HHAT: variants seen among roughly 807,000 people sequenced by gnomAD.
The protein encoded by HHAT is protein-cysteine N-palmitoyltransferase HHAT.
Under a neutral mutation model 70.8 loss-of-function variants are expected in HHAT, and 47 were observed. That is an observed-to-expected ratio of 0.66 (90% CI 0.53 to 0.85). HHAT has a LOEUF of 0.85. Among genes scored for constraint, HHAT ranks in the 40% least tolerant of loss-of-function variants. The probability of loss-of-function intolerance (pLI) is 0.00; values close to 1 mark genes in which losing one functional copy is unlikely to be tolerated. For synonymous variants in HHAT, 228 were observed against 247.6 expected, an observed-to-expected ratio of 0.92 and a Z score of 0.74; for missense variants, 609 against 604.8, an observed-to-expected ratio of 1.01 and a Z score of -0.07.
chr1:210,333,981 C>T (rs149731286), intron 1 of HHAT, among the ~76,000 whole-genome samples: 118 of 151,930 alleles, frequency 7.8e-4, no homozygotes, highest in African/African-American at 2.7e-3. Flanking sequence ...TACTGTGAGT[C>T]GTTGTCCACA....
chr1:210,641,591 A>G (rs943756911), intron 11 of HHAT, among the ~76,000 whole-genome samples: 7 of 152,226 alleles, frequency 4.6e-5, no homozygotes, highest in Non-Finnish European at 8.8e-5. Context: ...TGAAAATGCA[A>G]ATTTCCATTA....
In HHAT at chr1:210,661,458, G is replaced by C. The variant is rs569106088; in HGVS notation, c.1391-12830G>C. Among the ~76,000 whole-genome samples, 50 of 152,328 alleles carry C rather than the reference G, an allele frequency of 3.3e-4. No homozygotes were observed. In the East Asian group the frequency reaches 6.7e-3, roughly 21 times the overall value. ...ACACTTTTACACTTTTGGTGGGAGTGTAAACTAGTTCAACCATTGTGGAAG... is the reference window on the plus strand; with the variant it reads ...ACACTTTTACACTTTTGGTGGGAGTCTAAACTAGTTCAACCATTGTGGAAG... On this transcript the variant is annotated intron_variant, in intron 11 of 11. Coordinates refer to ENST00000261458, the MANE Select transcript of HHAT (RefSeq NM_018194.6).
intron 9 of HHAT, among the ~76,000 whole-genome samples, chr1:210,567,835 A>G (rs1319639970): frequency 6.6e-6 from 1 of 152,218 alleles, no homozygotes; most frequent in African/African-American, 2.4e-5. Context: ...GACAACTAAC[A>G]TCCAGATTTT....
chr1:210,430,228 T>A (rs2093203051), intron 7 of HHAT, among the ~76,000 whole-genome samples: 3 of 152,020 alleles, frequency 2.0e-5, no homozygotes, highest in African/African-American at 7.3e-5. Context: ...CCTTAGTTTC[T>A]GGAACTGAAA....
intron 3 of HHAT, among the ~76,000 whole-genome samples, chr1:210,382,837 G>C (rs765367848): frequency 6.6e-6 from 1 of 152,286 alleles, no homozygotes; most frequent in African/African-American, 2.4e-5. Flanking sequence ...GGGCAAAGGG[G>C]TGGGAAGGGC....
intron 7 of HHAT, among the ~76,000 whole-genome samples, chr1:210,425,306 A>G (rs2093029099): frequency 6.6e-6 from 1 of 151,968 alleles, no homozygotes; most frequent in South Asian, 2.1e-4. Context: ...TTGTCTGTTT[A>G]CTCTGTTGAT....
intron 9 of HHAT, among the ~76,000 whole-genome samples, chr1:210,539,270 T>G (rs1010196022): frequency 1.3e-5 from 2 of 152,126 alleles, no homozygotes; most frequent in Non-Finnish European, 2.9e-5. Context: ...GCCTATTGAG[T>G]ACTGAGAGGG....
At chr1:210,406,372 TTC>T (rs1156648721) in intron 6 of HHAT, among the ~76,000 whole-genome samples, 7 of 151,226 alleles carry the variant, frequency 4.6e-5, no homozygotes, top group Non-Finnish European at 1.0e-4. Flanking sequence ...AAATAATTGT[TTC>T]TGTTATTTCT....
intron 9 of HHAT, among the ~76,000 whole-genome samples, chr1:210,575,422 C>T (rs1657473560): frequency 6.6e-6 from 1 of 150,376 alleles, no homozygotes; most frequent in South Asian, 2.2e-4. Context: ...TGTAAATTCC[C>T]ACTGTGTCTC....
At chr1:210,523,615 C>T (rs56807872) in intron 9 of HHAT, among the ~76,000 whole-genome samples, 80,936 of 147,622 alleles carry the variant, frequency 0.55, 22,213 homozygotes, top group African/African-American at 0.67. Flanking sequence ...TGTGTGTGTG[C>T]GCGCGCACAC....
At chr1:210,645,373 G>T (rs1233869455) in intron 11 of HHAT, among the ~76,000 whole-genome samples, 1 of 152,174 alleles carries the variant, frequency 6.6e-6, no homozygotes, top group Non-Finnish European at 1.5e-5. Context: ...TGCCCCCCGG[G>T]TTCACGCCAT....
At chr1:210,591,858 G>A (rs1320989541) in intron 10 of HHAT, among the ~76,000 whole-genome samples, 2 of 151,902 alleles carry the variant, frequency 1.3e-5, no homozygotes, top group Non-Finnish European at 2.9e-5. Flanking sequence ...TCAGATCTTT[G>A]CCCATTTCTT....
chr1:210,536,247 A>G (rs2095370938), intron 9 of HHAT, among the ~76,000 whole-genome samples: 1 of 152,214 alleles, frequency 6.6e-6, no homozygotes, highest in Non-Finnish European at 1.5e-5. Flanking sequence ...AGCACACAGA[A>G]TTTTACCATC....
At chr1:210,348,298 G>T (rs1339293489) in intron 1 of HHAT, among the ~76,000 whole-genome samples, 1 of 152,132 alleles carries the variant, frequency 6.6e-6, no homozygotes, top group African/African-American at 2.4e-5. Flanking sequence ...AGGGGATCTG[G>T]CTATGTTGCC....
intron 11 of HHAT, among the ~76,000 whole-genome samples, chr1:210,652,899 G>A (rs774581059): frequency 5.3e-5 from 8 of 152,196 alleles, no homozygotes; most frequent in Non-Finnish European, 1.2e-4. Flanking sequence ...AGCTCCTCTA[G>A]AGAGAGCAGT....
intron 9 of HHAT, among the ~76,000 whole-genome samples, chr1:210,560,837 A>AC (rs2095616019): frequency 6.7e-6 from 1 of 149,110 alleles, no homozygotes; most frequent in African/African-American, 2.5e-5. Flanking sequence ...AAAAAAAAAA[A>AC]AAAAAAAAAA....
rs139534303 is a variant in HHAT at position 210,350,641 on chromosome 1, C to G, written c.91+1575C>G. ...ATCTTGTTATTATAGCTTATTAATTCCAGGAGTTTTTCTGTCAGTTCTTTC... is the reference window on the plus strand; with the variant it reads ...ATCTTGTTATTATAGCTTATTAATTGCAGGAGTTTTTCTGTCAGTTCTTTC... On this transcript the variant is annotated intron_variant, in intron 2 of 11. Coordinates refer to ENST00000261458, the MANE Select transcript of HHAT (RefSeq NM_018194.6). Among the ~76,000 whole-genome samples the G allele has an allele frequency of 3.3e-5, 5 of 152,242 alleles. No homozygotes were observed. The East Asian group carries it at 9.6e-4, about 29-fold the overall frequency.
intron 7 of HHAT, among the ~76,000 whole-genome samples, chr1:210,439,081 A>G (rs2093444653): frequency 6.6e-6 from 1 of 151,802 alleles, no homozygotes; most frequent in Non-Finnish European, 1.5e-5. Context: ...TATTTAGTCT[A>G]TTACTTAAGG....
chr1:210,603,214 A>C (rs938086592), intron 10 of HHAT, among the ~76,000 whole-genome samples: 6 of 151,980 alleles, frequency 3.9e-5, no homozygotes, highest in African/African-American at 1.5e-4. Flanking sequence ...GCTTAATGCA[A>C]ACTCTCACCT....
Sources: allele counts gnomAD v4.1 joint callset (sites outside exome capture counted in the v4.1 genomes callset), GRCh38; gene constraint gnomAD v4.1.1; transcripts MANE v1.5; gene names NCBI Gene and HGNC (gene_info 2026-07-23, HGNC 2026-07-21).